CCDC183: variants seen among roughly 807,000 people sequenced by gnomAD.
The protein encoded by CCDC183 is coiled-coil domain containing 183.
A neutral mutation model predicts 65.2 loss-of-function variants in CCDC183; 63 were observed. The observed-to-expected ratio is 0.97, with a 90% CI of 0.79 to 1.19. The LOEUF (loss-of-function observed/expected upper bound fraction) is 1.19. Ranked by LOEUF, CCDC183 falls within the 50% of genes most tolerant of loss-of-function variation. The probability of loss-of-function intolerance (pLI) is 0.00; values close to 1 mark genes in which losing one functional copy is unlikely to be tolerated. For synonymous variants in CCDC183, 323 were observed against 276.5 expected (o/e 1.17, Z -1.67); for missense variants, 769 against 689.3 (o/e 1.12, Z -1.30).
At chr9:136,803,293 A>G (rs1283993997) in intron 6 of CCDC183, among the ~76,000 whole-genome samples, 1 of 151,862 alleles carries the variant, frequency 6.6e-6, no homozygotes, top group African/African-American at 2.4e-5. Context: ...GGGGCCCCCC[A>G]GGGCGGGCTC....
rs1564353326 is a variant in CCDC183, at chr9:136,807,078, G to A, written c.1486+12G>A. The A allele has an allele frequency of 1.9e-6, 3 of 1,611,618 alleles. No homozygotes were observed. The highest frequency in any genetic ancestry group is 1.3e-5 in the African/African-American group (1 of 75,002). ...GGAGGATATGATCGGTACAGGCCCC[G>A]GAACTGGGGCCCGGGCTGCAGGCGG... is the stretch of plus-strand genomic sequence containing the variant. On this transcript the variant is annotated intron_variant, in intron 13 of 13. Transcript: ENST00000338005.
chr9:136,804,839 G>GC lies in CCDC183; in HGVS notation c.847+28dup. On this transcript the variant is annotated intron_variant, in intron 8 of 13. Coordinates refer to ENST00000338005, the MANE Select transcript of CCDC183 (RefSeq NM_001039374.5). The surrounding 1 kb of genome is among the most constrained non-coding windows in gnomAD (Gnocchi z 4.1). The stretch of plus-strand genomic sequence containing the variant: ...AATGTAAGCGCTCAGCTCCCCACCT[G>GC]CCCCCAGCCAGGGTCCCAAGGAGAG... 6.2e-7 allele frequency: 1 copy of GC among 1,609,772 alleles called. No individual in the cohort carries two copies. Among genetic ancestry groups the GC allele is most frequent in the African/African-American group, 1.3e-5 (1 of 74,868 alleles).
In CCDC183 at chr9:136,807,656, G is replaced by A. The variant is rs1847888948; in HGVS notation, c.1571G>A (p.Gly524Glu). Residue 524 changes from glycine to glutamate, a missense_variant, in exon 14 of 14, where the codon GGG becomes GAG. Gly to Glu is a moderately conservative substitution (Grantham distance 98). Coordinates refer to ENST00000338005, the MANE Select transcript of CCDC183 (RefSeq NM_001039374.5). ...IKRQAQRLIE[G>E]KLKAAKKKKK The stretch of plus-strand genomic sequence containing the variant: ...AGGCAGGCGCAGCGGCTAATCGAGG[G>A]GAAGCTCAAGGCGGCCAAGAAAAAG... 2 of 1,604,164 alleles carry A rather than the reference G, an allele frequency of 1.2e-6. No individual in the cohort carries two copies. Among genetic ancestry groups the A allele is most frequent in the African/African-American group, 2.7e-5 (2 of 74,606 alleles).
In CCDC183 at chr9:136,805,609, A is replaced by G. The variant is rs553568735; in HGVS notation, c.948+152A>G. On this transcript the variant is annotated intron_variant, in intron 9 of 13. Transcript: ENST00000338005. ...TCTGAAATGGACACACAAAGTGGCA[A>G]CTCCCTCGGCCGCCCCAAATCCTTT... is the stretch of plus-strand genomic sequence containing the variant. 5.3e-4 allele frequency: 334 copies of G among 626,826 alleles called. 5 individuals carry two copies. In the South Asian group the frequency reaches 6.3e-3, roughly 12 times the overall value. 38.8% of individuals were successfully genotyped at this position (626,826 alleles called of 1,614,324 possible). A position where few individuals can be genotyped will look rare whatever the true frequency, so the allele number is the denominator to read the frequency against.
chr9:136,806,631 C>A lies in CCDC183; in HGVS notation c.1237C>A (p.Leu413Ile), dbSNP rs765344951. The change falls in exon 11 of 14, where the codon CTC (leucine) becomes ATC (isoleucine). Residue 413 changes from leucine to isoleucine, a missense_variant. Leu to Ile is a conservative substitution (Grantham distance 5). Coordinates refer to ENST00000338005, the MANE Select transcript of CCDC183 (RefSeq NM_001039374.5). ...GACCATCCAGATGGGCATCGACAAC[C>A]TCTATGTCCGGCTGATGGGCATTAA... ...LLTIQMGIDNLYVRLMGINLP... is the reference protein window; with the variant it reads ...LLTIQMGIDNIYVRLMGINLP... The A allele has an allele frequency of 1.2e-6, 2 of 1,613,740 alleles. No homozygotes were observed. Among genetic ancestry groups the A allele is most frequent in the South Asian group, 2.2e-5 (2 of 91,088 alleles).
chr9:136,799,450 CCA>C (rs1847702070), intron 2 of CCDC183: 1 of 788,214 alleles, frequency 1.3e-6, no homozygotes, highest in African/African-American at 1.7e-5. Flanking sequence ...ATCTGTGAGC[CCA>C]CATCCTGCAG....
intron 6 of CCDC183, among the ~76,000 whole-genome samples, chr9:136,803,305 CTT>C (rs1395999497): frequency 1.3e-5 from 2 of 152,062 alleles, no homozygotes; most frequent in Non-Finnish European, 2.9e-5. Context: ...GGCGGGCTCT[CTT>C]GTGTCTTCTG....
chr9:136,799,022 G>C, intron 1 of CCDC183, 80 bp from the exon 2 acceptor site: 4 of 1,588,952 alleles, frequency 2.5e-6, no homozygotes, highest in Non-Finnish European at 3.4e-6. Flanking sequence ...GGGCCTCCCT[G>C]ATGCAAGCCT....
rs933120161 is a variant in CCDC183 at position 136,799,580 on chromosome 9, C to A, written c.193-133C>A. ...CAGGATGGGGTCCCGCGGCTCTCTG[C>A]TCCTCGTGGAAGCAGGGATCTCGCT... is the stretch of plus-strand genomic sequence containing the variant. On this transcript the variant is annotated intron_variant, in intron 2 of 13. Coordinates refer to ENST00000338005, the MANE Select transcript of CCDC183 (RefSeq NM_001039374.5). The A allele has an allele frequency of 5.5e-5, 44 of 806,902 alleles. No individual in the cohort carries two copies. In the African/African-American group the frequency reaches 7.2e-4, roughly 13 times the overall value. The allele number at this position is 806,902 out of a possible 1,614,324, so 50.0% of individuals were successfully genotyped here. A position where few individuals can be genotyped will look rare whatever the true frequency, so the allele number is the denominator to read the frequency against.
Position 136,799,790 on chromosome 9 carries a change from G to A in CCDC183, c.270G>A (p.Glu90=). ...TGGCGCACTGCCGCAGCACCATGGA[G>A]GTAACCAGGCAGGAGGGGCCTCGAG... ...LRLAHCRSTM[E]VVREKLRKYV... is the part of the protein sequence containing the mutation. Residue 90 remains glutamate, a splice_region_variant and synonymous_variant, in exon 3 of 14, where the codon GAG becomes GAA. Transcript: ENST00000338005. 2 of 1,612,618 alleles carry A rather than the reference G, an allele frequency of 1.2e-6. No individual in the cohort carries two copies. Among genetic ancestry groups the A allele is most frequent in the Non-Finnish European group, 1.7e-6 (2 of 1,179,638 alleles).
rs1280779916 is a variant in CCDC183 at position 136,807,741 on chromosome 9, A to T, written c.*51A>T. 1 of 1,544,134 alleles carries T rather than the reference A, an allele frequency of 6.5e-7. No homozygotes were observed. The highest frequency in any genetic ancestry group is 8.7e-7 in the Non-Finnish European group (1 of 1,142,858). ...CTACACAAATAAACATTTTTCCAGG[A>T]CTGCTGCGGACGCTGGGGCGACCGG... On this transcript the variant is annotated 3_prime_UTR_variant, in exon 14 of 14. Coordinates refer to ENST00000338005, the MANE Select transcript of CCDC183 (RefSeq NM_001039374.5).
Position 136,804,643 on chromosome 9 carries a change from G to A in CCDC183, c.792+16G>A. ...GTACCGCCGGGTAAGCCCCAGGCCA[G>A]GGCCTGGCTGGCTGCCCATCCCCAT... On this transcript the variant is annotated intron_variant, in intron 7 of 13. Coordinates refer to ENST00000338005, the MANE Select transcript of CCDC183 (RefSeq NM_001039374.5). The surrounding 1 kb of genome is among the most constrained non-coding windows in gnomAD (Gnocchi z 4.1). The A allele has an allele frequency of 7.4e-6, 12 of 1,613,434 alleles. No homozygotes were observed. The highest frequency in any genetic ancestry group is 1.3e-5 in the African/African-American group (1 of 75,024).
Position 136,798,965 on chromosome 9 carries a change from A to G in CCDC183, c.71-137A>G. ...GTGTCCCCCAGGACAGGGCGGGAGG[A>G]GGGATCTTGGCCATGGAGGGGGCAT... On this transcript the variant is annotated intron_variant, in intron 1 of 13. Coordinates refer to ENST00000338005, the MANE Select transcript of CCDC183 (RefSeq NM_001039374.5). The G allele has an allele frequency of 5.2e-6, 6 of 1,151,532 alleles. No individual in the cohort carries two copies. The South Asian group carries it at 9.0e-5, about 17-fold the overall frequency. 71.3% of individuals were successfully genotyped at this position (1,151,532 alleles called of 1,614,324 possible). A position where few individuals can be genotyped will look rare whatever the true frequency, so the allele number is the denominator to read the frequency against.
At chr9:136,807,140 A>C in intron 13 of CCDC183, 74 bp downstream of exon 13, 1 of 1,378,942 alleles carries the variant, frequency 7.3e-7, no homozygotes, top group Non-Finnish European at 1.0e-6. Context: ...GCCGGCTCCC[A>C]TCCCACCGGG....
rs761542905 is a variant in CCDC183 at position 136,806,616 on chromosome 9, A to C, written c.1222A>C (p.Met408Leu). The C allele has an allele frequency of 9.9e-6, 16 of 1,613,604 alleles. No individual in the cohort carries two copies. Among genetic ancestry groups the C allele is most frequent in the African/African-American group, 1.3e-5 (1 of 74,920 alleles). The change falls in exon 11 of 14, where the codon ATG (methionine) becomes CTG (leucine). Residue 408 changes from methionine to leucine, a missense_variant. Transcript: ENST00000338005. The stretch of plus-strand genomic sequence containing the variant: ...CCAGGAGCTGCTGCTGACCATCCAG[A>C]TGGGCATCGACAACCTCTATGTCCG... ...KGQELLLTIQMGIDNLYVRLM... is the reference protein window; with the variant it reads ...KGQELLLTIQLGIDNLYVRLM...
rs767575212 is a variant in CCDC183 at position 136,800,143 on chromosome 9, A to G, written c.412A>G (p.Ser138Gly). Residue 138 changes from serine to glycine, a missense_variant, in exon 4 of 14, where the codon AGC (serine) becomes GGC (glycine). Coordinates refer to ENST00000338005, the MANE Select transcript of CCDC183 (RefSeq NM_001039374.5). ...LDSLRSQPDA[S>G]KEELRLLQII... is the part of the protein sequence containing the mutation. Reference sequence around the variant, plus strand: ...CAGCCTGCGGAGCCAGCCCGACGCCAGCAAGGAGGAGCTGCGGCTGCTGCA... The same window carrying G: ...CAGCCTGCGGAGCCAGCCCGACGCCGGCAAGGAGGAGCTGCGGCTGCTGCA... 21 of 1,484,940 alleles carry G rather than the reference A, an allele frequency of 1.4e-5. 2 individuals carry two copies. The highest frequency in any genetic ancestry group is 2.1e-4 in the Middle Eastern group (1 of 4,684). The allele number at this position is 1,484,940 out of a possible 1,614,324, so 92.0% of individuals were successfully genotyped here. A position where few individuals can be genotyped will look rare whatever the true frequency, so the allele number is the denominator to read the frequency against.
chr9:136,806,078 G>A lies in CCDC183; in HGVS notation c.949G>A (p.Asp317Asn), dbSNP rs1847841140. Residue 317 changes from aspartate to asparagine, a missense_variant and splice_region_variant, in exon 10 of 14, where the codon GAC (aspartate) becomes AAC (asparagine). Physicochemically the swap from Asp to Asn is conservative, Grantham distance 23 (BLOSUM62 1). Transcript: ENST00000338005. ...CTTCTCTCTCCCCCGGACTGGCCAG[G>A]ACATCACTAGCCGCTTCCTGGCCCA... ...KSAVRCSHVW[D>N]ITSRFLAQRN... 2 of 1,549,518 alleles carry A rather than the reference G, an allele frequency of 1.3e-6. No individual in the cohort carries two copies. Among genetic ancestry groups the A allele is most frequent in the Admixed American group, 3.9e-5 (2 of 51,014 alleles).
Position 136,804,480 on chromosome 9 carries a change from G to C in CCDC183, c.667-22G>C. On this transcript the variant is annotated intron_variant, in intron 6 of 13. Transcript: ENST00000338005. This position sits in a 1 kb window ranked among gnomAD's most constrained non-coding sequence, Gnocchi z 4.1. ...CTTGTTGAGACAGCTCCCCAACCCT[G>C]TGCCCACCCGCATGTCCCCAGAGGA... is the stretch of plus-strand genomic sequence containing the variant. 1.2e-6 allele frequency: 2 copies of C among 1,608,906 alleles called. No individual in the cohort carries two copies. Among genetic ancestry groups the C allele is most frequent in the Non-Finnish European group, 8.5e-7 (1 of 1,178,570 alleles).
intron 6 of CCDC183, among the ~76,000 whole-genome samples, chr9:136,803,161 GCCA>G (rs1209375767): frequency 1.1e-4 from 6 of 53,772 alleles, no homozygotes; most frequent in African/African-American, 2.2e-4. Flanking sequence ...GCCCCCCAGG[GCCA>G]GCCCTCTTGG....
Sources: gnomAD v4.1 joint callset for allele counts (sites outside exome capture counted in the v4.1 genomes callset) on GRCh38, gnomAD v4.1.1 for gene constraint, Gnocchi (gnomAD v3.1) non-coding constraint, MANE v1.5 for transcripts, NCBI Gene and HGNC (gene_info 2026-07-23, HGNC 2026-07-21) for gene names.